GNG4: variants seen among roughly 807,000 people sequenced by gnomAD.
GNG4 encodes G protein subunit gamma 4.
GNG4 carries 4 observed loss-of-function variants against 5.8 expected under a neutral mutation model. That is an observed-to-expected ratio of 0.69 (90% CI 0.34 to 1.57). The LOEUF is 1.57. GNG4 is among the 40% of genes most tolerant of loss of function. The pLI is 0.06. For synonymous variants in GNG4, 29 were observed against 32.9 expected, an observed-to-expected ratio of 0.88 and a Z score of 0.41; for missense variants, 96 against 95.1, an observed-to-expected ratio of 1.01 and a Z score of -0.04.
intron 3 of GNG4, among the ~76,000 whole-genome samples, chr1:235,553,593 G>C (rs1473021815): frequency 6.6e-6 from 1 of 152,152 alleles, no homozygotes; most frequent in African/African-American, 2.4e-5. Context: ...CTGATTTTCA[G>C]ACCTAACCGC....
chr1:235,587,266 G>T (rs1403383747), intron 2 of GNG4, among the ~76,000 whole-genome samples: 1 of 131,624 alleles, frequency 7.6e-6, no homozygotes. Flanking sequence ...GACAGTGTAT[G>T]TGAGTGTGTG....
intron 3 of GNG4, among the ~76,000 whole-genome samples, chr1:235,561,199 C>T (rs547340509): frequency 1.4e-4 from 22 of 152,022 alleles, no homozygotes; most frequent in African/African-American, 4.8e-5. Flanking sequence ...TTAGTAGAGA[C>T]GGGGTTTCAC....
At chr1:235,640,363 G>A (rs772267133) in intron 1 of GNG4, among the ~76,000 whole-genome samples, 3 of 152,152 alleles carry the variant, frequency 2.0e-5, no homozygotes, top group African/African-American at 2.4e-5. Context: ...ACTAATTCCC[G>A]GACCCTAGCC....
chr1:235,635,645 CTCTTT>C (rs1689022690), intron 1 of GNG4, among the ~76,000 whole-genome samples: 1 of 32,656 alleles, frequency 3.1e-5, no homozygotes, highest in Non-Finnish European at 5.6e-5. Context: ...CTAAATAAAC[CTCTTT>C]TCTTTATCAA....
chr1:235,587,513 GGTGGGTGTGTT>G (rs1483772998), intron 2 of GNG4, among the ~76,000 whole-genome samples: 1 of 41,960 alleles, frequency 2.4e-5, no homozygotes, highest in Non-Finnish European at 4.8e-5. Context: ...GTGAATGTGA[GGTGGGTGTGTT>G]GTGGGTGTGT....
intron 1 of GNG4, chr1:235,615,365 T>C (rs1302023285): frequency 1.3e-5 from 2 of 153,142 alleles, no homozygotes; most frequent in East Asian, 1.9e-4. Flanking sequence ...TTCTCTGTCA[T>C]GCTGTTCAAT....
chr1:235,593,478 A>G (rs1688034589), intron 2 of GNG4, among the ~76,000 whole-genome samples: 1 of 152,162 alleles, frequency 6.6e-6, no homozygotes. Context: ...CTGTAGGCAG[A>G]ATACTACAGC....
At chr1:235,583,471 C>T (rs756548868) in intron 3 of GNG4, among the ~76,000 whole-genome samples, 7 of 152,188 alleles carry the variant, frequency 4.6e-5, no homozygotes, top group Non-Finnish European at 7.3e-5. Context: ...GGCATGACAA[C>T]GGAGCTAAAT....
rs1190497043 is a variant in GNG4, at chr1:235,581,437, A to G, written c.99+2303T>C. Reference sequence around the variant, plus strand: ...CCAGCTACTCGGGAGGCTGAGGCAGAAGAATGGCGTGAACCCGGGAGGCGG... The same window carrying G: ...CCAGCTACTCGGGAGGCTGAGGCAGGAGAATGGCGTGAACCCGGGAGGCGG... On this transcript the variant is annotated intron_variant, in intron 3 of 3. Coordinates refer to ENST00000391854, the MANE Select transcript of GNG4 (RefSeq NM_001098722.2). Among the ~76,000 whole-genome samples the G allele has an allele frequency of 7.2e-5, 11 of 151,904 alleles. No homozygotes were observed. The South Asian group carries it at 8.3e-4, about 12-fold the overall frequency.
intron 3 of GNG4, among the ~76,000 whole-genome samples, chr1:235,579,466 A>T (rs1296728434): frequency 6.6e-6 from 1 of 151,846 alleles, no homozygotes; most frequent in African/African-American, 2.4e-5. Flanking sequence ...AGTGCTGGTC[A>T]GGATGTGGAG....
intron 1 of GNG4, among the ~76,000 whole-genome samples, chr1:235,608,171 C>T (rs1170016743): frequency 6.6e-6 from 1 of 152,064 alleles, no homozygotes; most frequent in Non-Finnish European, 1.5e-5. Context: ...CTCCTGACCT[C>T]ATGATCCACC....
At chr1:235,617,934 A>T (rs1688632041) in intron 1 of GNG4, among the ~76,000 whole-genome samples, 1 of 151,826 alleles carries the variant, frequency 6.6e-6, no homozygotes, top group East Asian at 1.9e-4. Context: ...ACAAGACAAG[A>T]CTTGGGAGCT....
chr1:235,582,177 G>C (rs182967902), intron 3 of GNG4, among the ~76,000 whole-genome samples: 125 of 152,250 alleles, frequency 8.2e-4, no homozygotes, highest in African/African-American at 2.9e-3. Flanking sequence ...TGCCTCTCTT[G>C]ATTACTCAGA....
chr1:235,616,107 C>G, intron 1 of GNG4: 1 of 448,496 alleles, frequency 2.2e-6, no homozygotes, highest in South Asian at 1.6e-5. Flanking sequence ...GCTAGGAGGA[C>G]CATTCAGCAC....
chr1:235,617,905 AAAAG>A (rs1315011589), intron 1 of GNG4, among the ~76,000 whole-genome samples: 8 of 151,678 alleles, frequency 5.3e-5, no homozygotes, highest in South Asian at 4.2e-4. Flanking sequence ...AAAAAAAAAA[AAAAG>A]AAAGAAAAGA....
intron 1 of GNG4, among the ~76,000 whole-genome samples, chr1:235,646,078 C>T (rs1257662937): frequency 6.6e-6 from 1 of 152,122 alleles, no homozygotes; most frequent in African/African-American, 2.4e-5. Flanking sequence ...ATCTCTCTGG[C>T]CCAGAGGGAT....
At chr1:235,579,046 G>A (rs976092034) in intron 3 of GNG4, among the ~76,000 whole-genome samples, 1 of 149,054 alleles carries the variant, frequency 6.7e-6, no homozygotes, top group African/African-American at 2.5e-5. Context: ...GCAGTGAGCC[G>A]AGATCATGCC....
intron 1 of GNG4, among the ~76,000 whole-genome samples, chr1:235,603,476 C>T (rs556703693): frequency 2.0e-5 from 3 of 152,228 alleles, no homozygotes; most frequent in Non-Finnish European, 2.9e-5. Flanking sequence ...GTGCAGGGAA[C>T]GAGGTGCCCT....
At chr1:235,634,582 T>C (rs1284616232) in intron 1 of GNG4, among the ~76,000 whole-genome samples, 1 of 152,228 alleles carries the variant, frequency 6.6e-6, no homozygotes. Flanking sequence ...CTGTATTTTC[T>C]TTCTGCTTTC....
Sources: gnomAD v4.1 joint callset for allele counts (sites outside exome capture counted in the v4.1 genomes callset) on GRCh38, gnomAD v4.1.1 for gene constraint, MANE v1.5 for transcripts, NCBI Gene and HGNC (gene_info 2026-07-23, HGNC 2026-07-21) for gene names.